DLGAP2: variants seen among roughly 807,000 people sequenced by gnomAD.
The protein encoded by DLGAP2 is DLG associated protein 2.
DLGAP2 carries 26 observed loss-of-function variants against 100.3 expected under a neutral mutation model. That is an observed-to-expected ratio of 0.26 (90% CI 0.19 to 0.36). DLGAP2 has a LOEUF of 0.36. DLGAP2 is among the 10% of genes least tolerant of loss of function. The pLI is 1.00. For missense variants in DLGAP2, 1,858 were observed against 1,453.2 expected (o/e 1.28, Z -4.53); for synonymous variants, 886 against 630.1 (o/e 1.41, Z -6.08).
intron 2 of DLGAP2, among the ~76,000 whole-genome samples, chr8:1,069,357 A>G (rs551697896): frequency 5.8e-4 from 89 of 152,222 alleles, no homozygotes; most frequent in Non-Finnish European, 3.8e-4. Flanking sequence ...GGTCGCGAGG[A>G]CACCAGGTCT....
rs1270140956 is a variant in DLGAP2 at position 1,464,399 on chromosome 8, A to G, written c.107-36967A>G. Among the ~76,000 whole-genome samples, 12 of 32,928 alleles carry G rather than the reference A, an allele frequency of 3.6e-4. 3 individuals are homozygous for G. The Admixed American group carries it at 4.3e-3, about 12-fold the overall frequency. The allele number at this position is 32,928 out of a possible 152,430, so 21.6% of individuals were successfully genotyped here. On this transcript the variant is annotated intron_variant, in intron 3 of 14. Transcript: ENST00000637795. The stretch of plus-strand genomic sequence containing the variant: ...CAGGATGGCACCCTTCCGGAATGGC[A>G]TCCTTCCAGGACAGCTCCCTTTCAG...
chr8:1,496,102 C>G (rs1477964970), intron 3 of DLGAP2, among the ~76,000 whole-genome samples: 1 of 152,210 alleles, frequency 6.6e-6, no homozygotes, highest in Non-Finnish European at 1.5e-5. Context: ...AGTCAGGTTT[C>G]TTCTTGCAAG....
chr8:996,486 G>C (rs533411298), intron 2 of DLGAP2, among the ~76,000 whole-genome samples: 31 of 152,308 alleles, frequency 2.0e-4, no homozygotes, highest in Admixed American at 7.2e-4. Context: ...TTAGGGTGGA[G>C]TGGCCGGAGG....
intron 4 of DLGAP2, among the ~76,000 whole-genome samples, chr8:1,515,632 A>T (rs1299385584): frequency 1.3e-5 from 2 of 152,220 alleles, no homozygotes; most frequent in African/African-American, 2.4e-5. Context: ...ATGCAGACAC[A>T]AGCACACACA....
At chr8:827,558 G>C (rs1384171399) in intron 1 of DLGAP2, among the ~76,000 whole-genome samples, 1 of 152,102 alleles carries the variant, frequency 6.6e-6, no homozygotes, top group Non-Finnish European at 1.5e-5. Flanking sequence ...GCAGAACTTA[G>C]AACAGTATTT....
intron 8 of DLGAP2, among the ~76,000 whole-genome samples, chr8:1,661,685 G>T (rs867511421): frequency 1.3e-5 from 2 of 152,178 alleles, no homozygotes; most frequent in Non-Finnish European, 2.9e-5. Flanking sequence ...TAGATGCAGT[G>T]ATCTGGTGAA....
intron 3 of DLGAP2, among the ~76,000 whole-genome samples, chr8:1,482,643 C>T (rs1799128033): frequency 6.6e-6 from 1 of 152,226 alleles, no homozygotes; most frequent in Non-Finnish European, 1.5e-5. Context: ...CCGCCCCCTC[C>T]CCACGGTTTC....
chr8:1,164,049 G>A, intron 2 of DLGAP2, among the ~76,000 whole-genome samples: 1 of 152,202 alleles, frequency 6.6e-6, no homozygotes, highest in Non-Finnish European at 1.5e-5. Context: ...GTGAGACTCG[G>A]TCCTTAAGGC....
At chr8:833,549 C>T (rs1448989404) in intron 1 of DLGAP2, among the ~76,000 whole-genome samples, 1 of 152,152 alleles carries the variant, frequency 6.6e-6, no homozygotes, top group African/African-American at 2.4e-5. Context: ...ATCTCTGGCT[C>T]AAGGTTCTCT....
At chr8:1,100,678 A>T (rs1804549395) in intron 2 of DLGAP2, among the ~76,000 whole-genome samples, 1 of 152,172 alleles carries the variant, frequency 6.6e-6, no homozygotes. Flanking sequence ...ATGACTGATG[A>T]GTGTGTGAAC....
At chr8:1,407,991 A>T (rs1217300988) in intron 3 of DLGAP2, among the ~76,000 whole-genome samples, 1 of 152,176 alleles carries the variant, frequency 6.6e-6, no homozygotes, top group Admixed American at 6.5e-5. Flanking sequence ...ACAGCACAGC[A>T]TGTTTAACAG....
intron 1 of DLGAP2, among the ~76,000 whole-genome samples, chr8:825,264 C>T (rs191093939): frequency 6.6e-6 from 1 of 152,322 alleles, no homozygotes; most frequent in Admixed American, 6.5e-5. Context: ...GCTGTTGGAT[C>T]AGGTTGTGCT....
chr8:1,257,841 C>G (rs1238883927), intron 2 of DLGAP2, among the ~76,000 whole-genome samples: 2 of 152,218 alleles, frequency 1.3e-5, no homozygotes, highest in Non-Finnish European at 2.9e-5. Flanking sequence ...CCTCTCCCAC[C>G]CTTGTGGGCT....
At chr8:1,594,476 A>G (rs918678748) in intron 6 of DLGAP2, among the ~76,000 whole-genome samples, 1 of 152,182 alleles carries the variant, frequency 6.6e-6, no homozygotes, top group African/African-American at 2.4e-5. Context: ...ATTCAACAAC[A>G]GACCAGATCA....
At chr8:1,198,103 T>C (rs987796426) in intron 2 of DLGAP2, among the ~76,000 whole-genome samples, 3 of 151,702 alleles carry the variant, frequency 2.0e-5, no homozygotes, top group Non-Finnish European at 4.4e-5. Context: ...TGTGTGTGTG[T>C]GTGTACGTGT....
chr8:1,577,399 T>C (rs1266486811), intron 6 of DLGAP2, among the ~76,000 whole-genome samples: 1 of 151,788 alleles, frequency 6.6e-6, no homozygotes, highest in Non-Finnish European at 1.5e-5. Flanking sequence ...CAAAACCCCA[T>C]CTTTACTAAA....
At chr8:1,350,186 C>CGGGTCCTGACAGTGCGTGGAAAGGCTGT (rs1563098900) in intron 3 of DLGAP2, among the ~76,000 whole-genome samples, 8 of 130,744 alleles carry the variant, frequency 6.1e-5, no homozygotes, top group African/African-American at 1.9e-4. Flanking sequence ...GGAAAGGCCG[C>CGGGTCCTGACAGTGCGTGGAAAGGCTGT]GCGGGTCCTG....
rs141633706 is a variant in DLGAP2, at chr8:1,450,978, G to A, written c.107-50388G>A. Among the ~76,000 whole-genome samples, 350 of 152,206 alleles carry A rather than the reference G, an allele frequency of 2.3e-3. 1 individual carries two copies. The highest frequency in any genetic ancestry group is 8.1e-3 in the African/African-American group (337 of 41,520). On this transcript the variant is annotated intron_variant, in intron 3 of 14. Coordinates refer to ENST00000637795, the MANE Select transcript of DLGAP2 (RefSeq NM_001346810.2). ...TGGAAATGCATCATACCTCGTAAGG[G>A]CGCCAGTGACAAGGGAGTCCCAGGG...
chr8:1,171,662 T>G (rs1484743469), intron 2 of DLGAP2, among the ~76,000 whole-genome samples: 1 of 152,226 alleles, frequency 6.6e-6, no homozygotes, highest in Non-Finnish European at 1.5e-5. Flanking sequence ...AACTTTGATC[T>G]TTGTTGGTTT....
Sources: allele counts gnomAD v4.1 joint callset (sites outside exome capture counted in the v4.1 genomes callset), GRCh38; gene constraint gnomAD v4.1.1; transcripts MANE v1.5; gene names NCBI Gene and HGNC (gene_info 2026-07-23, HGNC 2026-07-21).